Variants in ELOVL2 observed in about 807,000 individuals in gnomAD.
ELOVL2 encodes the protein ELOVL fatty acid elongase 2, also known as very long chain fatty acid elongase 2.
A neutral mutation model predicts 37.7 loss-of-function variants in ELOVL2; 38 were observed. The ratio of observed to expected loss-of-function variants is 1.01; its 90% CI spans 0.78 to 1.32. ELOVL2 has a LOEUF of 1.32. Among genes scored for constraint, ELOVL2 ranks in the 40% most tolerant of loss-of-function variants. ELOVL2 has a pLI of 0.00. For synonymous variants in ELOVL2, 115 were observed against 122.3 expected (o/e 0.94, Z 0.40); for missense variants, 352 against 363.6 (o/e 0.97, Z 0.26).
At chr6:10,999,680 C>T (rs980645966) in intron 4 of ELOVL2, among the ~76,000 whole-genome samples, 2 of 152,110 alleles carry the variant, frequency 1.3e-5, no homozygotes, top group African/African-American at 4.8e-5. Flanking sequence ...GGCAGAAACA[C>T]TTTTTATTAG....
In ELOVL2 at chr6:11,035,701, T is replaced by C. The variant is rs373818514; in HGVS notation, c.3+8527A>G. ...CGCATTATTAGACTAAGTCTTTCTA[T>C]TGGATGGAATGGCACATGGACACGG... On this transcript the variant is annotated intron_variant, in intron 1 of 7. Transcript: ENST00000354666. 2.6e-5 allele frequency among the ~76,000 whole-genome samples: 4 copies of C among 152,232 alleles called. No individual in the cohort carries two copies. The East Asian group carries it at 5.8e-4, about 22-fold the overall frequency.
In ELOVL2 at chr6:11,005,451, CTGTTCTTCA is replaced by C; in HGVS notation, c.167_175del (p.Met56_Asn58del). The C allele has an allele frequency of 6.2e-7, 1 of 1,614,052 alleles. No homozygotes were observed. The highest frequency in any genetic ancestry group is 8.5e-7 in the Non-Finnish European group (1 of 1,179,966). On this transcript the variant is annotated inframe_deletion, in exon 3 of 8. Coordinates refer to ENST00000354666, the MANE Select transcript of ELOVL2 (RefSeq NM_017770.4). ...GATACCCCTGAGAGAAAGAGCAGGT[CTGTTCTTCA>C]TATACTTGTTACCCAGCCATATTGA... is the stretch of plus-strand genomic sequence containing the variant.
At chr6:10,993,049 G>C (rs1782194802) in intron 5 of ELOVL2, among the ~76,000 whole-genome samples, 1 of 152,076 alleles carries the variant, frequency 6.6e-6, no homozygotes, top group Non-Finnish European at 1.5e-5. Context: ...AAAAATAAAA[G>C]TGTGCTTTAT....
At chr6:11,035,028 A>T (rs1782985997) in intron 1 of ELOVL2, among the ~76,000 whole-genome samples, 1 of 152,262 alleles carries the variant, frequency 6.6e-6, no homozygotes, top group East Asian at 1.9e-4. Context: ...AATAAATAAA[A>T]TAATAATTAA....
In ELOVL2 at chr6:10,983,839, C is replaced by A. The variant is rs1366277532; in HGVS notation, c.833G>T (p.Gly278Val). The A allele has an allele frequency of 1.9e-6, 3 of 1,613,816 alleles. No individual in the cohort carries two copies. The South Asian group carries it at 3.3e-5, about 18-fold the overall frequency. The change falls in exon 8 of 8, where the codon GGT (glycine) becomes GTT (valine). Residue 278 changes from glycine to valine, a missense_variant. Transcript: ENST00000354666. ...EPPAGKEVKN[G>V]FSKAYFTAAN... ...TGCAGTGAAGTAGGCTTTGGAAAAA[C>A]CATTCTTCACTTCTTTCCCTGCAGG...
At position 10,980,951 on chromosome 6, in the gene ELOVL2, C is replaced by T. The variant is rs538502055; in HGVS notation, c.*2830G>A. On this transcript the variant is annotated 3_prime_UTR_variant, in exon 8 of 8. Transcript: ENST00000354666. ...GGAAGCCCCCAGACACATTTATGAACGATATGGAAATATTGGAAAGAACTC... is the reference window on the plus strand; with the variant it reads ...GGAAGCCCCCAGACACATTTATGAATGATATGGAAATATTGGAAAGAACTC... The T allele has an allele frequency of 1.7e-4, 26 of 152,530 alleles. No individual in the cohort carries two copies. The highest frequency in any genetic ancestry group is 8.3e-4 in the South Asian group (4 of 4,822). The allele number at this position is 152,530 out of a possible 1,614,324, so 9.4% of individuals were successfully genotyped here.
chr6:11,000,459 C>G (rs961299914), intron 3 of ELOVL2, among the ~76,000 whole-genome samples: 2 of 152,116 alleles, frequency 1.3e-5, no homozygotes, highest in Non-Finnish European at 2.9e-5. Flanking sequence ...TAAGGAATTA[C>G]CTAGTCATGT....
At chr6:11,020,401 G>A (rs1248979212) in intron 1 of ELOVL2, among the ~76,000 whole-genome samples, 1 of 152,186 alleles carries the variant, frequency 6.6e-6, no homozygotes, top group African/African-American at 2.4e-5. Context: ...CCAACTTTCT[G>A]TAGTAATTGG....
At chr6:10,986,821 G>A (rs1782061403) in intron 7 of ELOVL2, among the ~76,000 whole-genome samples, 1 of 152,076 alleles carries the variant, frequency 6.6e-6, no homozygotes, top group South Asian at 2.1e-4. Context: ...TTTTTTGGTT[G>A]TGTCTCTGCC....
chr6:11,039,979 T>C (rs988502842), intron 1 of ELOVL2, among the ~76,000 whole-genome samples: 14 of 152,002 alleles, frequency 9.2e-5, no homozygotes, highest in African/African-American at 3.4e-4. Context: ...GTAAAAAAGT[T>C]AAAACAAAGA....
Position 11,013,419 on chromosome 6 carries a change from A to T in ELOVL2, c.4-2610T>A, listed in dbSNP as rs542432050. Among the ~76,000 whole-genome samples the T allele has an allele frequency of 3.9e-5, 6 of 152,342 alleles. No homozygotes were observed. The South Asian group carries it at 1.2e-3, about 32-fold the overall frequency. ...GGCAGAGCTTGGACCACAAAGTCCT[A>T]GCTGCACACTAGACTAGATTCTGTA... On this transcript the variant is annotated intron_variant, in intron 1 of 7. Transcript: ENST00000354666.
intron 1 of ELOVL2, among the ~76,000 whole-genome samples, chr6:11,026,329 AC>A (rs796519090): frequency 3.0e-4 from 45 of 152,278 alleles, no homozygotes; most frequent in African/African-American, 7.5e-4. Context: ...AGTCCCGCCA[AC>A]TCATTTGCAT....
At chr6:10,992,374 C>T (rs1322102775) in intron 5 of ELOVL2, among the ~76,000 whole-genome samples, 1 of 152,138 alleles carries the variant, frequency 6.6e-6, no homozygotes, top group East Asian at 1.9e-4. Context: ...TTCTTGAGAA[C>T]AAGACAGTAT....
At chr6:10,996,333 G>C (rs1782267717) in intron 4 of ELOVL2, among the ~76,000 whole-genome samples, 1 of 152,186 alleles carries the variant, frequency 6.6e-6, no homozygotes, top group African/African-American at 2.4e-5. Context: ...CTGGTTTGTG[G>C]TAATGCATTA....
In ELOVL2 at chr6:11,005,547, C is replaced by G. The variant is rs200339833; in HGVS notation, c.80G>C (p.Arg27Thr). Residue 27 changes from arginine to threonine, a missense_variant, in exon 3 of 8, where the codon AGA (arginine) becomes ACA (threonine). Coordinates refer to ENST00000354666, the MANE Select transcript of ELOVL2 (RefSeq NM_017770.4). The part of the protein sequence containing the change: ...NMFGPRDSRV[R>T]GWFMLDSYLP... ...GTAAGAGTCCAACATGAACCACCCT[C>G]TGACTCGAGAATCTGAAAAGAAACA... The G allele has an allele frequency of 9.3e-6, 15 of 1,612,696 alleles. No individual in the cohort carries two copies. The East Asian group carries it at 3.1e-4, about 34-fold the overall frequency.
At position 10,982,013 on chromosome 6, in the gene ELOVL2, G is replaced by A. The variant is rs992539179; in HGVS notation, c.*1768C>T. On this transcript the variant is annotated 3_prime_UTR_variant, in exon 8 of 8. Coordinates refer to ENST00000354666, the MANE Select transcript of ELOVL2 (RefSeq NM_017770.4). ...GAACAGTTATAAGGTGATGCAAGAT[G>A]GAAGTGGTGATGAAGCACCCTAGAG... is the stretch of plus-strand genomic sequence containing the variant. 1 of 152,192 alleles carries A rather than the reference G, an allele frequency of 6.6e-6. No individual in the cohort carries two copies. The highest frequency in any genetic ancestry group is 2.4e-5 in the African/African-American group (1 of 41,426). The allele number at this position is 152,192 out of a possible 1,614,324, so 9.4% of individuals were successfully genotyped here.
chr6:11,002,243 G>T (rs547403002), intron 3 of ELOVL2, among the ~76,000 whole-genome samples: 101 of 152,220 alleles, frequency 6.6e-4, no homozygotes, highest in Admixed American at 1.3e-3. Context: ...TTCAGAGGCT[G>T]CCCCATCACC....
chr6:10,988,921 T>C (rs1252629714), intron 7 of ELOVL2, among the ~76,000 whole-genome samples: 3 of 152,186 alleles, frequency 2.0e-5, no homozygotes, highest in Non-Finnish European at 4.4e-5. Flanking sequence ...TCCATCCTGG[T>C]TCCCAAACAA....
chr6:11,011,315 G>A (rs528070711), intron 1 of ELOVL2, among the ~76,000 whole-genome samples: 5 of 150,854 alleles, frequency 3.3e-5, no homozygotes, highest in East Asian at 2.0e-4. Flanking sequence ...GCAGTGAGCC[G>A]AGATCACGCC....
Sources: gnomAD v4.1 joint callset for allele counts (sites outside exome capture counted in the v4.1 genomes callset) on GRCh38, gnomAD v4.1.1 for gene constraint, MANE v1.5 for transcripts, NCBI Gene and HGNC (gene_info 2026-07-23, HGNC 2026-07-21) for gene names.